The following PCDH15 variants were observed in gnomAD, a reference collection of about 807,000 sequenced individuals.
PCDH15 encodes the protein protocadherin-15.
Under a neutral mutation model 178.5 loss-of-function variants are expected in PCDH15, and 129 were observed. The ratio of observed to expected loss-of-function variants is 0.72; its 90% CI spans 0.63 to 0.84. PCDH15 has a LOEUF of 0.84. Ranked by LOEUF, PCDH15 falls within the 40% of genes least tolerant of loss-of-function variation. The probability of loss-of-function intolerance (pLI) is 0.00; values close to 1 mark genes in which losing one functional copy is unlikely to be tolerated. For synonymous variants in PCDH15, 800 were observed against 732.0 expected (o/e 1.09, Z -1.50); for missense variants, 2,230 against 2,099.9 (o/e 1.06, Z -1.21).
chr10:54,895,683 T>G (rs1414466782), intron 3 of PCDH15, among the ~76,000 whole-genome samples: 1 of 152,184 alleles, frequency 6.6e-6, no homozygotes, highest in African/African-American at 2.4e-5. Flanking sequence ...GGGATATTTT[T>G]ATTGCAATTT....
intron 2 of PCDH15, among the ~76,000 whole-genome samples, chr10:54,920,439 A>G (rs1837456446): frequency 1.5e-5 from 2 of 131,944 alleles, no homozygotes; most frequent in South Asian, 5.0e-4. Flanking sequence ...ACTGCACTCC[A>G]GCCTGGACGA....
chr10:54,399,207 G>A (rs1348912795), intron 3 of PCDH15, among the ~76,000 whole-genome samples: 2 of 151,982 alleles, frequency 1.3e-5, no homozygotes, highest in Non-Finnish European at 2.9e-5. Flanking sequence ...TACTCTCAGT[G>A]AAGAGAGTTG....
At chr10:53,972,503 C>T (rs2089807615) in intron 21 of PCDH15, among the ~76,000 whole-genome samples, 5 of 152,132 alleles carry the variant, frequency 3.3e-5, no homozygotes, top group Admixed American at 1.3e-4. Context: ...GAACAGGCAA[C>T]CTACAGAATG....
At chr10:54,191,733 C>G (rs1253666624) in intron 11 of PCDH15, among the ~76,000 whole-genome samples, 2 of 136,120 alleles carry the variant, frequency 1.5e-5, no homozygotes, top group African/African-American at 2.8e-5. Context: ...TGGTGAAACA[C>G]TGTCTCTACA....
rs74887323 is a variant in PCDH15 at position 54,993,963 on chromosome 10, A to G, written c.-79-96463T>C. On this transcript the variant is annotated intron_variant, in intron 2 of 5. Coordinates refer to the PCDH15 transcript ENST00000458638. Reference sequence around the variant, plus strand: ...TTCTGAAAATAACATTTTTTCAAACACTTTTCACCTGAAATCTAACCAGAC... The same window carrying G: ...TTCTGAAAATAACATTTTTTCAAACGCTTTTCACCTGAAATCTAACCAGAC... 1.7e-3 allele frequency among the ~76,000 whole-genome samples: 258 copies of G among 152,234 alleles called. 6 individuals are homozygous for G. The East Asian group carries it at 0.046, about 27-fold the overall frequency.
At chr10:54,835,779 A>G (rs1040008126) in intron 3 of PCDH15, among the ~76,000 whole-genome samples, 1 of 152,196 alleles carries the variant, frequency 6.6e-6, no homozygotes, top group Non-Finnish European at 1.5e-5. Context: ...AAAATCACAT[A>G]GCAGGAAATT....
chr10:53,916,890 A>G (rs1316121284), intron 25 of PCDH15, among the ~76,000 whole-genome samples: 2 of 152,092 alleles, frequency 1.3e-5, no homozygotes, highest in African/African-American at 4.8e-5. Context: ...CCTGGCTCTC[A>G]AGGCAGGAGG....
At chr10:54,433,965 A>C (rs2075199214) in intron 3 of PCDH15, among the ~76,000 whole-genome samples, 1 of 152,224 alleles carries the variant, frequency 6.6e-6, no homozygotes, top group Non-Finnish European at 1.5e-5. Context: ...CTATTGCCCC[A>C]AACACCTTTC....
Position 54,407,971 on chromosome 10 carries a change from C to T in PCDH15, c.158-29029G>A, listed in dbSNP as rs564677754. Among the ~76,000 whole-genome samples the T allele has an allele frequency of 2.7e-5, 4 of 149,440 alleles. No homozygotes were observed. The South Asian group carries it at 6.3e-4, about 24-fold the overall frequency. ...TAGGGTGGCTGAGGCATGAGAATCA[C>T]TTGAACCCGGGAGGTGGAGGTTGCA... On this transcript the variant is annotated intron_variant, in intron 3 of 37. Coordinates refer to ENST00000644397, the MANE Select transcript of PCDH15 (RefSeq NM_001384140.1).
intron 2 of PCDH15, among the ~76,000 whole-genome samples, chr10:55,562,473 C>T (rs1418265414): frequency 6.6e-6 from 1 of 151,910 alleles, no homozygotes; most frequent in Non-Finnish European, 1.5e-5. Context: ...TGTGAGGCAT[C>T]ATGTTCAGTA....
At position 54,666,526 on chromosome 10, in the gene PCDH15, A is replaced by G. The variant is rs1314956230; in HGVS notation, c.-28-2236T>C. ...TGAGAGAGACATTCTAACCCCCTTC[A>G]CAAAGGATTAGAGCTCTACTAAGAT... On this transcript the variant is annotated intron_variant, in intron 1 of 37. Transcript: ENST00000644397. Among the ~76,000 whole-genome samples, 4 of 152,168 alleles carry G rather than the reference A, an allele frequency of 2.6e-5. No individual in the cohort carries two copies. In the East Asian group the frequency reaches 7.7e-4, roughly 29 times the overall value.
chr10:54,430,900 T>A (rs1956889731), intron 3 of PCDH15, among the ~76,000 whole-genome samples: 1 of 151,540 alleles, frequency 6.6e-6, no homozygotes, highest in African/African-American at 2.4e-5. Flanking sequence ...AAGACCCAAA[T>A]AAATAAAAGT....
chr10:55,212,544 A>G (rs1840596437), intron 1 of PCDH15, among the ~76,000 whole-genome samples: 2 of 152,076 alleles, frequency 1.3e-5, no homozygotes, highest in African/African-American at 4.8e-5. Flanking sequence ...CCCTATAATC[A>G]GGAATGATAA....
At chr10:54,517,519 A>AAT (rs1420773560) in intron 3 of PCDH15, among the ~76,000 whole-genome samples, 1 of 152,124 alleles carries the variant, frequency 6.6e-6, no homozygotes, top group East Asian at 1.9e-4. Context: ...AACTATCCTA[A>AAT]ATATATATGC....
rs775752587 is a variant in PCDH15 at position 53,822,698 on chromosome 10, A to T, written c.4368-2468T>A. The T allele has an allele frequency of 1.1e-5, 17 of 1,613,996 alleles. No individual in the cohort carries two copies. In the Admixed American group the frequency reaches 1.5e-4, roughly 14 times the overall value. ...ATTTGAGTTCCACAGTTCTTGAAAC[A>T]GTTGGCAAAGTGGAGAATGAGAAGT... On this transcript the variant is annotated intron_variant, in intron 32 of 37. Coordinates refer to ENST00000644397, the MANE Select transcript of PCDH15 (RefSeq NM_001384140.1).
intron 1 of PCDH15, among the ~76,000 whole-genome samples, chr10:54,748,092 C>A (rs1470142292): frequency 6.6e-6 from 1 of 152,042 alleles, no homozygotes; most frequent in Non-Finnish European, 1.5e-5. Flanking sequence ...AGGCGTGAGC[C>A]ACCGCGCCCG....
chr10:54,378,040 A>ACCG (rs1948705423), intron 4 of PCDH15, among the ~76,000 whole-genome samples: 1 of 151,684 alleles, frequency 6.6e-6, no homozygotes. Flanking sequence ...TCCTCCCACC[A>ACCG]CAGTCTGCAG....
intron 3 of PCDH15, among the ~76,000 whole-genome samples, chr10:54,853,997 C>A (rs571157587): frequency 6.6e-6 from 1 of 152,290 alleles, no homozygotes; most frequent in African/African-American, 2.4e-5. Context: ...CTTATGCTAC[C>A]AGCCTGGGTC....
At chr10:55,060,816 T>G (rs1291239092) in intron 2 of PCDH15, among the ~76,000 whole-genome samples, 2 of 151,874 alleles carry the variant, frequency 1.3e-5, no homozygotes, top group East Asian at 3.9e-4. Context: ...AACAATACAA[T>G]GAAGAAGTGA....
Sources: gnomAD v4.1 joint callset for allele counts (sites outside exome capture counted in the v4.1 genomes callset) on GRCh38, gnomAD v4.1.1 for gene constraint, MANE v1.5 for transcripts, NCBI Gene and HGNC (gene_info 2026-07-23, HGNC 2026-07-21) for gene names.